Variants in DNM3 observed in about 807,000 individuals in gnomAD.
The protein encoded by DNM3 is dynamin 3.
DNM3 carries 47 observed loss-of-function variants against 101.6 expected under a neutral mutation model. The observed-to-expected ratio is 0.46, with a 90% CI of 0.37 to 0.59. The LOEUF (loss-of-function observed/expected upper bound fraction) is 0.59. Ranked by LOEUF, DNM3 falls within the 20% of genes least tolerant of loss-of-function variation. The probability of loss-of-function intolerance (pLI) is 0.00; values close to 1 mark genes in which losing one functional copy is unlikely to be tolerated. For missense variants in DNM3, 849 were observed against 1,085.7 expected (o/e 0.78, Z 3.06); for synonymous variants, 385 against 387.9 (o/e 0.99, Z 0.09).
At chr1:172,375,788 C>T (rs1195648835) in intron 17 of DNM3, among the ~76,000 whole-genome samples, 4 of 150,718 alleles carry the variant, frequency 2.7e-5, no homozygotes, top group Admixed American at 1.3e-4. Context: ...GCGGGACCAT[C>T]GCTTAAAGCC....
chr1:172,090,256 T>C (rs1335707495), intron 12 of DNM3, among the ~76,000 whole-genome samples: 1 of 152,174 alleles, frequency 6.6e-6, no homozygotes, highest in Non-Finnish European at 1.5e-5. Flanking sequence ...CTCATTATAA[T>C]AGTAGTTTTC....
At chr1:171,977,723 T>C (rs1041215323) in intron 2 of DNM3, among the ~76,000 whole-genome samples, 3 of 152,228 alleles carry the variant, frequency 2.0e-5, no homozygotes, top group Non-Finnish European at 4.4e-5. Context: ...TCTATCTCTT[T>C]GTTTACTCTT....
chr1:171,872,522 C>T (rs148904598), intron 1 of DNM3, among the ~76,000 whole-genome samples: 1,920 of 152,146 alleles, frequency 0.013, 29 homozygotes, highest in Middle Eastern at 0.024. Context: ...TATTCTTAGG[C>T]GCAAATTGTT....
At chr1:172,291,790 G>A (rs1443794030) in intron 15 of DNM3, among the ~76,000 whole-genome samples, 22 of 152,112 alleles carry the variant, frequency 1.4e-4, no homozygotes, top group Admixed American at 1.4e-3. Context: ...TGCATGATTT[G>A]GCAATCTGGA....
intron 14 of DNM3, 106 bp downstream of exon 14, chr1:172,131,394 A>C: frequency 1.1e-6 from 1 of 902,276 alleles, no homozygotes; most frequent in African/African-American, 1.7e-5. Flanking sequence ...GTTCTCTTTC[A>C]GTGAGATTAA....
chr1:172,128,783 C>T (rs1396852044), intron 13 of DNM3, among the ~76,000 whole-genome samples: 1 of 152,162 alleles, frequency 6.6e-6, no homozygotes, highest in Non-Finnish European at 1.5e-5. Flanking sequence ...TAATCCCACT[C>T]TCATTCACTC....
At chr1:172,303,498 G>T (rs1341425293) in intron 15 of DNM3, among the ~76,000 whole-genome samples, 1 of 152,118 alleles carries the variant, frequency 6.6e-6, no homozygotes, top group Non-Finnish European at 1.5e-5. Flanking sequence ...AGCAAGGGAG[G>T]CCAACTTTCA....
chr1:172,104,066 A>G (rs562072035), intron 13 of DNM3, among the ~76,000 whole-genome samples: 1 of 152,300 alleles, frequency 6.6e-6, no homozygotes, highest in East Asian at 1.9e-4. Context: ...CTCCTATGAA[A>G]TGTCTGATGT....
chr1:171,862,489 C>T (rs182830655), intron 1 of DNM3, among the ~76,000 whole-genome samples: 26 of 152,068 alleles, frequency 1.7e-4, no homozygotes, highest in Admixed American at 3.9e-4. Flanking sequence ...AAGAAGTCAA[C>T]GCAAAAGGCC....
chr1:172,134,164 G>A (rs1011503673), intron 14 of DNM3, among the ~76,000 whole-genome samples: 14 of 152,098 alleles, frequency 9.2e-5, no homozygotes, highest in Admixed American at 5.2e-4. Flanking sequence ...GTGAGGGTGC[G>A]GAGCACTTAA....
intron 14 of DNM3, among the ~76,000 whole-genome samples, chr1:172,173,013 G>A (rs1044888297): frequency 1.3e-5 from 2 of 151,876 alleles, no homozygotes; most frequent in Non-Finnish European, 2.9e-5. Context: ...TACAGGTGGT[G>A]AATAGCTCTG....
chr1:172,289,606 G>A (rs890065818), intron 15 of DNM3: 1 of 964,574 alleles, frequency 1.0e-6, no homozygotes, highest in Admixed American at 6.2e-5. Flanking sequence ...ATTCTTCTTT[G>A]CTTCGTTTTA....
intron 18 of DNM3, among the ~76,000 whole-genome samples, chr1:172,380,271 T>C (rs555833286): frequency 1.3e-5 from 2 of 152,144 alleles, no homozygotes; most frequent in South Asian, 2.1e-4. Context: ...AAAAATATAA[T>C]TGTAAGAAAT....
chr1:172,318,188 C>A (rs575227676), intron 16 of DNM3, among the ~76,000 whole-genome samples: 64 of 152,242 alleles, frequency 4.2e-4, no homozygotes, highest in African/African-American at 1.3e-3. Flanking sequence ...ATTCAACAGC[C>A]CTTCAGGCTA....
intron 9 of DNM3, among the ~76,000 whole-genome samples, chr1:172,045,564 A>G (rs2049727256): frequency 6.6e-6 from 1 of 152,176 alleles, no homozygotes; most frequent in Non-Finnish European, 1.5e-5. Flanking sequence ...TATGGTTTCA[A>G]CATATGAAGT....
chr1:172,251,833 T>TA (rs932601026), intron 14 of DNM3, among the ~76,000 whole-genome samples: 4 of 151,946 alleles, frequency 2.6e-5, no homozygotes, highest in South Asian at 4.2e-4. Context: ...AAACATTCAA[T>TA]AAAAAAAATG....
intron 14 of DNM3, among the ~76,000 whole-genome samples, chr1:172,158,694 T>C (rs2058435077): frequency 6.6e-6 from 1 of 152,042 alleles, no homozygotes; most frequent in African/African-American, 2.4e-5. Context: ...ACTAACTCTC[T>C]CTTGCTAAAA....
intron 14 of DNM3, among the ~76,000 whole-genome samples, chr1:172,206,013 T>C (rs182578313): frequency 1.3e-5 from 2 of 152,258 alleles, no homozygotes; most frequent in African/African-American, 4.8e-5. Context: ...CTGAATAATA[T>C]GTAAATCTTC....
At chr1:172,163,527 T>C (rs1402563884) in intron 14 of DNM3, among the ~76,000 whole-genome samples, 1 of 152,044 alleles carries the variant, frequency 6.6e-6, no homozygotes, top group Admixed American at 6.6e-5. Flanking sequence ...CGTGAGCCAC[T>C]GTGCCTGGCC....
Sources: gnomAD v4.1 joint callset for allele counts (sites outside exome capture counted in the v4.1 genomes callset) on GRCh38, gnomAD v4.1.1 for gene constraint, MANE v1.5 for transcripts, NCBI Gene and HGNC (gene_info 2026-07-23, HGNC 2026-07-21) for gene names.